NRCAM: variants seen among roughly 807,000 people sequenced by gnomAD.
NRCAM encodes the protein NgCAM-related cell adhesion molecule.
A neutral mutation model predicts 156.5 loss-of-function variants in NRCAM; 83 were observed. That is an observed-to-expected ratio of 0.53 (90% CI 0.44 to 0.64). The LOEUF is 0.64. Ranked by LOEUF, NRCAM falls within the 30% of genes least tolerant of loss-of-function variation. The pLI is 0.00. For missense variants in NRCAM, 1,417 were observed against 1,597.3 expected (o/e 0.89, Z 1.92); for synonymous variants, 538 against 563.9 (o/e 0.95, Z 0.65).
rs77649212 is a variant in NRCAM at position 108,454,833 on chromosome 7, G to A, written c.-332+1410C>T. On this transcript the variant is annotated intron_variant, in intron 1 of 32. Coordinates refer to ENST00000379028, the MANE Select transcript of NRCAM (RefSeq NM_001037132.4). ...AGGAAGAGCCCAGTCTCTTAGACCCGCACTTCTGAGCGTTAACCATCTGGG... is the reference window on the plus strand; with the variant it reads ...AGGAAGAGCCCAGTCTCTTAGACCCACACTTCTGAGCGTTAACCATCTGGG... Among the ~76,000 whole-genome samples the A allele has an allele frequency of 9.0e-3, 1,370 of 152,298 alleles. 15 individuals are homozygous for A. The highest frequency in any genetic ancestry group is 0.031 in the African/African-American group (1,281 of 41,558).
intron 3 of NRCAM, among the ~76,000 whole-genome samples, chr7:108,288,377 C>A (rs1226657689): frequency 1.3e-5 from 2 of 152,010 alleles, no homozygotes; most frequent in African/African-American, 4.8e-5. Context: ...CATTTGTACC[C>A]CTAAATCCAT....
In NRCAM at chr7:108,194,362, C is replaced by G. The variant is rs754306904; in HGVS notation, c.1530G>C (p.Leu510Phe). ...TGTCCTTTTGGGCCACAGGAATTTC[C>G]AAAGTTCCATTTTCATGTAAAACAT... ...DIYVLHENGT[L>F]EIPVAQKDST... Residue 510 changes from leucine to phenylalanine, a missense_variant, in exon 16 of 33, where the codon TTG becomes TTC. By Grantham distance (22) the Leu-to-Phe change is conservative. Coordinates refer to ENST00000379028, the MANE Select transcript of NRCAM (RefSeq NM_001037132.4). 78 of 1,613,312 alleles carry G rather than the reference C, an allele frequency of 4.8e-5. No homozygotes were observed. Among genetic ancestry groups the G allele is most frequent in the Non-Finnish European group, 6.0e-5 (71 of 1,179,546 alleles).
chr7:108,305,415 T>C (rs1166061119), intron 3 of NRCAM, among the ~76,000 whole-genome samples: 3 of 152,258 alleles, frequency 2.0e-5, no homozygotes, highest in South Asian at 4.1e-4. Flanking sequence ...CTCAGTTTTT[T>C]GTTTTTTTGT....
At chr7:108,229,195 A>G (rs565540022) in intron 8 of NRCAM, among the ~76,000 whole-genome samples, 1 of 152,300 alleles carries the variant, frequency 6.6e-6, no homozygotes, top group East Asian at 1.9e-4. Flanking sequence ...TTTAGTTCTC[A>G]TATTATCTGA....
intron 2 of NRCAM, among the ~76,000 whole-genome samples, chr7:108,375,087 G>A (rs1400424262): frequency 6.6e-6 from 1 of 152,034 alleles, no homozygotes; most frequent in African/African-American, 2.4e-5. Flanking sequence ...GTCTCAGTAA[G>A]GTTAGATTAG....
intron 1 of NRCAM, among the ~76,000 whole-genome samples, chr7:108,423,312 G>T (rs1225228423): frequency 6.6e-6 from 1 of 152,056 alleles, no homozygotes; most frequent in Non-Finnish European, 1.5e-5. Context: ...AAGTGAAGGA[G>T]AAAGAGTCAG....
chr7:108,215,436 C>T (rs776048932), intron 11 of NRCAM, among the ~76,000 whole-genome samples: 3 of 151,704 alleles, frequency 2.0e-5, no homozygotes, highest in East Asian at 1.9e-4. Flanking sequence ...AGGATGGTCT[C>T]GATCTCCTGA....
At chr7:108,302,852 A>G (rs931045640) in intron 3 of NRCAM, among the ~76,000 whole-genome samples, 8 of 152,258 alleles carry the variant, frequency 5.3e-5, no homozygotes, top group African/African-American at 1.7e-4. Context: ...ATAACTGAAT[A>G]TAATTCAAAC....
chr7:108,455,857 G>A (rs1167733487), intron 1 of NRCAM, among the ~76,000 whole-genome samples: 2 of 152,174 alleles, frequency 1.3e-5, no homozygotes, highest in African/African-American at 2.4e-5. Context: ...GGGCCCGCAG[G>A]CTCTCCATGC....
chr7:108,231,222 TA>T, intron 7 of NRCAM, 69 bp from the exon 8 acceptor site: 1 of 1,194,158 alleles, frequency 8.4e-7, no homozygotes, highest in Non-Finnish European at 1.2e-6. Flanking sequence ...GCCCTACAAA[TA>T]AAGGCAAACT....
intron 3 of NRCAM, among the ~76,000 whole-genome samples, chr7:108,290,908 T>C (rs2098268991): frequency 6.6e-6 from 1 of 152,176 alleles, no homozygotes; most frequent in Non-Finnish European, 1.5e-5. Context: ...GTAAAAAAGA[T>C]AGTTAACTAT....
chr7:108,250,425 CAAAAAAAA>C (rs34274206), intron 3 of NRCAM, among the ~76,000 whole-genome samples: 1 of 67,386 alleles, frequency 1.5e-5, no homozygotes, highest in East Asian at 6.0e-4. Context: ...CATCTTACCT[CAAAAAAAA>C]AAAAAAAAAA....
At chr7:108,290,349 C>G (rs749791372) in intron 3 of NRCAM, among the ~76,000 whole-genome samples, 2 of 152,100 alleles carry the variant, frequency 1.3e-5, no homozygotes, top group African/African-American at 4.8e-5. Context: ...CGTATTTTCC[C>G]ACTGCTGACC....
intron 2 of NRCAM, among the ~76,000 whole-genome samples, chr7:108,342,558 G>A (rs570515730): frequency 1.9e-4 from 29 of 152,348 alleles, no homozygotes; most frequent in African/African-American, 6.7e-4. Context: ...TCCAGGCCCT[G>A]AAGAAGGCCC....
intron 1 of NRCAM, among the ~76,000 whole-genome samples, chr7:108,418,879 C>G (rs1400417332): frequency 6.6e-6 from 1 of 152,024 alleles, no homozygotes; most frequent in Non-Finnish European, 1.5e-5. Flanking sequence ...TAACATCATG[C>G]CACATAAATA....
chr7:108,293,052 GAA>G (rs2098350110), intron 3 of NRCAM, among the ~76,000 whole-genome samples: 2 of 152,244 alleles, frequency 1.3e-5, no homozygotes, highest in South Asian at 4.2e-4. Flanking sequence ...ACAATTCATA[GAA>G]ATCTAACAGA....
At position 108,180,329 on chromosome 7, in the gene NRCAM, C is replaced by A; in HGVS notation, c.2745G>T (p.Leu915Phe). 6.2e-7 allele frequency: 1 copy of A among 1,614,228 alleles called. No homozygotes were observed. The highest frequency in any genetic ancestry group is 8.5e-7 in the Non-Finnish European group (1 of 1,180,036). Residue 915 changes from leucine (L) to phenylalanine (F), a missense_variant, in exon 25 of 33, where the codon TTG (leucine) becomes TTT (phenylalanine). By Grantham distance (22) the Leu-to-Phe change is conservative. Around this residue, in one of 2 missense-constraint regions of NRCAM, gnomAD observed 1,238 missense variants for 1,336.4 expected, o/e 0.93. Coordinates refer to ENST00000379028, the MANE Select transcript of NRCAM (RefSeq NM_001037132.4). ...AGTGGCTAAAGGGCTCTAGCCCCGGCAACATGCCATGAGTCTTGCTGCCTT... is the reference window on the plus strand; with the variant it reads ...AGTGGCTAAAGGGCTCTAGCCCCGGAAACATGCCATGAGTCTTGCTGCCTT... Reference protein sequence around the residue: ...TFQGSKTHGMLPGLEPFSHYT... With the variant: ...TFQGSKTHGMFPGLEPFSHYT...
At position 108,404,238 on chromosome 7, in the gene NRCAM, C is replaced by G. The variant is rs145148256; in HGVS notation, c.-331-4645G>C. Among the ~76,000 whole-genome samples the G allele has an allele frequency of 1.2e-3, 117 of 95,850 alleles. 2 individuals are homozygous for G. The East Asian group carries it at 0.034, about 28-fold the overall frequency. 62.9% of individuals were successfully genotyped at this position (95,850 alleles called of 152,430 possible). A position where few individuals can be genotyped will look rare whatever the true frequency, so the allele number is the denominator to read the frequency against. On this transcript the variant is annotated intron_variant, in intron 1 of 32. Coordinates refer to ENST00000379028, the MANE Select transcript of NRCAM (RefSeq NM_001037132.4). ...GCCATCTCTGATGACCATTGAGAGG[C>G]CTTTCTGGCTTGCTTCCTTCTCAGT...
At chr7:108,435,894 A>G (rs1258057355) in intron 1 of NRCAM, among the ~76,000 whole-genome samples, 1 of 152,248 alleles carries the variant, frequency 6.6e-6, no homozygotes, top group African/African-American at 2.4e-5. Flanking sequence ...GCACTTTGGG[A>G]GGCCGAGGCG....
Sources: gnomAD v4.1 joint callset for allele counts (sites outside exome capture counted in the v4.1 genomes callset) on GRCh38, gnomAD v4.1.1 for gene constraint, gnomAD v4.1.1 regional missense constraint, MANE v1.5 for transcripts, NCBI Gene and HGNC (gene_info 2026-07-23, HGNC 2026-07-21) for gene names.